HS3ST3B1: variants seen among roughly 807,000 people sequenced by gnomAD.
HS3ST3B1 encodes heparan sulfate-glucosamine 3-sulfotransferase 3B1, also known as heparan sulfate glucosamine 3-O-sulfotransferase 3B1.
HS3ST3B1 carries 13 observed loss-of-function variants against 21.3 expected under a neutral mutation model. The observed-to-expected ratio is 0.61, with a 90% CI of 0.40 to 0.97. The LOEUF (loss-of-function observed/expected upper bound fraction) is 0.97. Among genes scored for constraint, HS3ST3B1 ranks in the 50% least tolerant of loss-of-function variants. The pLI, the probability that HS3ST3B1 is intolerant of heterozygous loss-of-function variation, is 0.00. For missense variants in HS3ST3B1, 459 were observed against 554.8 expected (o/e 0.83, Z 1.73); for synonymous variants, 234 against 254.8 (o/e 0.92, Z 0.78).
At chr17:14,312,675 C>T (rs1324086635) in intron 1 of HS3ST3B1, among the ~76,000 whole-genome samples, 1 of 151,944 alleles carries the variant, frequency 6.6e-6, no homozygotes, top group Non-Finnish European at 1.5e-5. Context: ...AGGCCTGCTC[C>T]CATCCCCTCC....
chr17:14,319,820 T>G (rs1909602598), intron 1 of HS3ST3B1, among the ~76,000 whole-genome samples: 1 of 151,764 alleles, frequency 6.6e-6, no homozygotes, highest in Admixed American at 6.6e-5. Context: ...AAAGGTGGTG[T>G]TTGGCTACAT....
At position 14,345,445 on chromosome 17, in the gene HS3ST3B1, G is replaced by A. The variant is rs747448188; in HGVS notation, c.972G>A (p.Lys324=). 2.2e-6 allele frequency: 3 copies of A among 1,390,708 alleles called. No individual in the cohort carries two copies. Among genetic ancestry groups the A allele is most frequent in the South Asian group, 2.4e-5 (2 of 82,388 alleles). The allele number at this position is 1,390,708 out of a possible 1,614,324, so 86.1% of individuals were successfully genotyped here. ...FLGLKRIITD[K]HFYFNKTKGF... ...GCCTCAAGAGGATCATCACGGACAA[G>A]CACTTCTACTTCAACAAGACCAAGG... is the stretch of plus-strand genomic sequence containing the variant. Residue 324 remains lysine, a synonymous_variant, in exon 2 of 2, where the codon AAG becomes AAA. Transcript: ENST00000360954.
chr17:14,322,335 T>A (rs890369481), intron 1 of HS3ST3B1, among the ~76,000 whole-genome samples: 8 of 152,142 alleles, frequency 5.3e-5, no homozygotes, highest in Non-Finnish European at 8.8e-5. Flanking sequence ...CGTCCCATTC[T>A]CTAAAATGAA....
intron 1 of HS3ST3B1, among the ~76,000 whole-genome samples, chr17:14,320,377 G>C (rs544919716): frequency 6.6e-6 from 1 of 152,228 alleles, no homozygotes; most frequent in African/African-American, 2.4e-5. Flanking sequence ...GATCATGGCA[G>C]AAGGAATGCA....
chr17:14,304,076 C>G (rs1909042707), intron 1 of HS3ST3B1: 1 of 152,244 alleles, frequency 6.6e-6, no homozygotes, highest in Non-Finnish European at 1.5e-5. Flanking sequence ...TCGCCGCGCG[C>G]CTGCAGCGGA....
intron 1 of HS3ST3B1, among the ~76,000 whole-genome samples, chr17:14,332,941 G>T (rs904731097): frequency 1.9e-4 from 28 of 148,610 alleles, no homozygotes; most frequent in African/African-American, 6.7e-4. Flanking sequence ...CTTGGCGGTG[G>T]TTGCTAGGGG....
intron 1 of HS3ST3B1, among the ~76,000 whole-genome samples, chr17:14,338,915 T>G (rs1287166375): frequency 1.3e-5 from 2 of 152,156 alleles, no homozygotes; most frequent in African/African-American, 4.8e-5. Flanking sequence ...AAGCCTGCCT[T>G]GCCCTTAGGT....
chr17:14,340,342 A>G (rs1910333881), intron 1 of HS3ST3B1, among the ~76,000 whole-genome samples: 1 of 151,990 alleles, frequency 6.6e-6, no homozygotes, highest in Non-Finnish European at 1.5e-5. Context: ...GGAGAGTCCT[A>G]TTAGATCGGT....
intron 1 of HS3ST3B1, among the ~76,000 whole-genome samples, chr17:14,332,797 T>C (rs1304297392): frequency 1.3e-5 from 2 of 148,368 alleles, no homozygotes; most frequent in Non-Finnish European, 3.0e-5. Context: ...TGATAACTGA[T>C]GGGCATCCTT....
intron 1 of HS3ST3B1, among the ~76,000 whole-genome samples, 184 bp downstream of exon 1, chr17:14,302,256 G>A (rs1390167563): frequency 6.6e-6 from 1 of 152,174 alleles, no homozygotes. Flanking sequence ...GCTCCGCTTG[G>A]TTCTCGTCAC....
chr17:14,301,633 A>G lies in HS3ST3B1; in HGVS notation c.115A>G (p.Met39Val). 6.2e-7 allele frequency: 1 copy of G among 1,607,804 alleles called. No individual in the cohort carries two copies. Among genetic ancestry groups the G allele is most frequent in the Non-Finnish European group, 8.5e-7 (1 of 1,178,822 alleles). ...GAGGAAGCTCGCGCTGCTCTTCGCC[A>G]TGCTCTGCGTCTGGCTCTATATGTT... is the stretch of plus-strand genomic sequence containing the variant. ...VRRKLALLFA[M>V]LCVWLYMFLY... The change falls in exon 1 of 2, where the codon ATG becomes GTG. Residue 39 changes from methionine (M) to valine (V), a missense_variant. By Grantham distance (21) the Met-to-Val change is conservative. Transcript: ENST00000360954.
chr17:14,316,380 G>A (rs548350017), intron 1 of HS3ST3B1, among the ~76,000 whole-genome samples: 1 of 152,362 alleles, frequency 6.6e-6, no homozygotes, highest in South Asian at 2.1e-4. Flanking sequence ...TTCAAGTCGG[G>A]TCTTGCTTTG....
At position 14,308,937 on chromosome 17, in the gene HS3ST3B1, T is replaced by G. The variant is rs562988086; in HGVS notation, c.554+6865T>G. Among the ~76,000 whole-genome samples, 67 of 152,196 alleles carry G rather than the reference T, an allele frequency of 4.4e-4. 1 individual carries two copies. Among genetic ancestry groups the G allele is most frequent in the African/African-American group, 1.5e-3 (61 of 41,530 alleles). On this transcript the variant is annotated intron_variant, in intron 1 of 1. Coordinates refer to ENST00000360954, the MANE Select transcript of HS3ST3B1 (RefSeq NM_006041.3). ...AAAGATGGTTCTGGGCAATGTGAGG[T>G]TTGAGAAGCAAATGGAGAGTGAAAA...
intron 1 of HS3ST3B1, chr17:14,328,149 C>A (rs1211066677): frequency 6.6e-6 from 1 of 152,220 alleles, no homozygotes; most frequent in Non-Finnish European, 1.5e-5. Context: ...AGTCAGGCAA[C>A]ATCATCTATC....
At position 14,303,067 on chromosome 17, in the gene HS3ST3B1, G is replaced by A. The variant is rs1908996844; in HGVS notation, c.554+995G>A. Among the ~76,000 whole-genome samples, 3 of 152,260 alleles carry A rather than the reference G, an allele frequency of 2.0e-5. No individual in the cohort carries two copies. The South Asian group carries it at 6.2e-4, about 32-fold the overall frequency. On this transcript the variant is annotated intron_variant, in intron 1 of 1. Transcript: ENST00000360954. This position sits in a 1 kb window ranked among gnomAD's most constrained non-coding sequence, Gnocchi z 5.7. ...CTTTCCGCAGCTGCTGGTCTTTGGG[G>A]TGAGCTGTTGGGTTGCCCGAGCTTC...
At chr17:14,305,697 T>C (rs767941754) in intron 1 of HS3ST3B1, among the ~76,000 whole-genome samples, 25 of 152,152 alleles carry the variant, frequency 1.6e-4, no homozygotes, top group Non-Finnish European at 3.4e-4. Context: ...TTATACAAAA[T>C]AAGCTGACAC....
At chr17:14,342,617 G>A (rs720873) in intron 1 of HS3ST3B1, among the ~76,000 whole-genome samples, 139,800 of 152,218 alleles carry the variant, frequency 0.92, 64,509 homozygotes, top group Non-Finnish European at 0.97. Flanking sequence ...TTCTAAGCAT[G>A]TTATAATTAT....
intron 1 of HS3ST3B1, among the ~76,000 whole-genome samples, chr17:14,311,261 A>G (rs1909297502): frequency 1.4e-5 from 2 of 147,870 alleles, no homozygotes; most frequent in Non-Finnish European, 3.0e-5. Flanking sequence ...AAAAAACTGT[A>G]GAGATGAGAT....
intron 1 of HS3ST3B1, among the ~76,000 whole-genome samples, chr17:14,329,935 T>C (rs1470389098): frequency 6.6e-6 from 1 of 152,270 alleles, no homozygotes; most frequent in East Asian, 1.9e-4. Flanking sequence ...GGTAGGAATT[T>C]GCTGCTTTCA....
Sources: gnomAD v4.1 joint callset for allele counts (sites outside exome capture counted in the v4.1 genomes callset) on GRCh38, gnomAD v4.1.1 for gene constraint, Gnocchi (gnomAD v3.1) non-coding constraint, MANE v1.5 for transcripts, NCBI Gene and HGNC (gene_info 2026-07-23, HGNC 2026-07-21) for gene names.